The following PRDM4 variants were observed in gnomAD, a reference collection of about 807,000 sequenced individuals.
PRDM4 encodes the protein PR domain zinc finger protein 4.
PRDM4 carries 38 observed loss-of-function variants against 62.3 expected under a neutral mutation model. The observed-to-expected ratio is 0.61, with a 90% CI of 0.47 to 0.80. The LOEUF (loss-of-function observed/expected upper bound fraction) is 0.80. Among genes scored for constraint, PRDM4 ranks in the 30% least tolerant of loss-of-function variants. The pLI is 0.00. For synonymous variants in PRDM4, 339 were observed against 348.2 expected (o/e 0.97, Z 0.30); for missense variants, 858 against 997.1 (o/e 0.86, Z 1.88).
intron 3 of PRDM4, among the ~76,000 whole-genome samples, chr12:107,756,010 C>T (rs1305807646): frequency 2.6e-5 from 4 of 152,238 alleles, no homozygotes; most frequent in East Asian, 3.9e-4. Flanking sequence ...TGCTTGAACC[C>T]GGGAGGCGGG....
chr12:107,742,506 G>A, intron 8 of PRDM4, 158 bp from the exon 9 acceptor site: 1 of 795,584 alleles, frequency 1.3e-6, no homozygotes, highest in African/African-American at 1.7e-5. Context: ...CTATGAGAAG[G>A]CAGTTGTAGA....
chr12:107,738,844 TAAC>T (rs1351571972), intron 11 of PRDM4, among the ~76,000 whole-genome samples: 4 of 136,032 alleles, frequency 2.9e-5, no homozygotes, highest in Admixed American at 7.9e-5. Flanking sequence ...ACAGTTAAGA[TAAC>T]AATTTTTTTT....
intron 8 of PRDM4, 116 bp downstream of exon 8, chr12:107,743,081 G>A (rs1890572408): frequency 1.2e-6 from 1 of 821,514 alleles, no homozygotes; most frequent in African/African-American, 1.7e-5. Flanking sequence ...TGGGCTTTAA[G>A]TATGTCCAGG....
chr12:107,747,766 ATAAACCT>A (rs1890758193), intron 5 of PRDM4, among the ~76,000 whole-genome samples: 1 of 152,050 alleles, frequency 6.6e-6, no homozygotes, highest in African/African-American at 2.4e-5. Flanking sequence ...GTTGGAATAC[ATAAACCT>A]TAGAACCACA....
intron 9 of PRDM4, among the ~76,000 whole-genome samples, chr12:107,741,827 C>G (rs570417139): frequency 2.0e-5 from 3 of 152,190 alleles, no homozygotes; most frequent in African/African-American, 4.8e-5. Context: ...GGTTTTATAG[C>G]ATACCCAAAC....
At chr12:107,755,862 A>G (rs918281461) in intron 3 of PRDM4, among the ~76,000 whole-genome samples, 3 of 152,136 alleles carry the variant, frequency 2.0e-5, no homozygotes, top group Admixed American at 6.5e-5. Context: ...AGGAGGGCGG[A>G]TCACCTGAGG....
At chr12:107,756,201 A>G (rs1891061420) in intron 3 of PRDM4, among the ~76,000 whole-genome samples, 6 of 152,180 alleles carry the variant, frequency 3.9e-5, no homozygotes. Flanking sequence ...CGGAGGTTGC[A>G]GTGAGCCGAG....
At chr12:107,754,684 T>C (rs1891007941) in intron 3 of PRDM4, 1 of 152,176 alleles carries the variant, frequency 6.6e-6, no homozygotes, top group Non-Finnish European at 1.5e-5. Flanking sequence ...AAATATTTAA[T>C]TTAGAATTAA....
chr12:107,756,853 G>A lies in PRDM4; in HGVS notation c.124C>T (p.His42Tyr), dbSNP rs779714472. The change falls in exon 3 of 12, where the codon CAC (histidine) becomes TAC (tyrosine). Residue 42 changes from histidine (H) to tyrosine (Y), a missense_variant. Physicochemically the swap from His to Tyr is moderately conservative, Grantham distance 83. Coordinates refer to ENST00000228437, the MANE Select transcript of PRDM4 (RefSeq NM_012406.4). The stretch of plus-strand genomic sequence containing the variant: ...TCACCTGGGGCAGGGATGGCACTGT[G>A]AGTGGGTGAGGCAGCCAATCCCAGG... ...SHLGLAASPT[H>Y]SAIPAPGLPV... is the part of the protein sequence containing the mutation. The A allele has an allele frequency of 4.3e-6, 7 of 1,614,018 alleles. No individual in the cohort carries two copies. In the Admixed American group the frequency reaches 1.0e-4, roughly 23 times the overall value.
At chr12:107,753,463 A>G (rs1387073392) in intron 4 of PRDM4, among the ~76,000 whole-genome samples, 3 of 152,162 alleles carry the variant, frequency 2.0e-5, no homozygotes, top group Non-Finnish European at 4.4e-5. Flanking sequence ...ATACACCAAA[A>G]CAAATGGCAG....
chr12:107,747,361 G>A (rs1417408808), intron 5 of PRDM4, among the ~76,000 whole-genome samples: 6 of 151,482 alleles, frequency 4.0e-5, no homozygotes, highest in Admixed American at 1.3e-4. Flanking sequence ...ATGAACATAG[G>A]ACACTGGCGT....
chr12:107,734,652 G>A (rs1316649792), intron 11 of PRDM4, 130 bp from the exon 12 acceptor site: 1 of 819,238 alleles, frequency 1.2e-6, no homozygotes, highest in African/African-American at 1.7e-5. Flanking sequence ...TTGCATAGGT[G>A]ATATACAGAA....
chr12:107,745,467 T>C (rs1890669248), intron 6 of PRDM4, among the ~76,000 whole-genome samples: 1 of 151,868 alleles, frequency 6.6e-6, no homozygotes, highest in African/African-American at 2.4e-5. Context: ...ACTTGGAAGG[T>C]TGCGGCAGGA....
At position 107,740,332 on chromosome 12, in the gene PRDM4, C is replaced by T. The variant is rs576419719; in HGVS notation, c.1924+614G>A. Among the ~76,000 whole-genome samples the T allele has an allele frequency of 5.3e-5, 8 of 151,980 alleles. No homozygotes were observed. In the South Asian group the frequency reaches 1.7e-3, roughly 32 times the overall value. On this transcript the variant is annotated intron_variant, in intron 10 of 11. Coordinates refer to ENST00000228437, the MANE Select transcript of PRDM4 (RefSeq NM_012406.4). The stretch of plus-strand genomic sequence containing the variant: ...CAAAACCCCATCTATATTAAAAATA[C>T]AAAAATTAGTCAGGTGTGGTGGCGC...
Position 107,751,321 on chromosome 12 carries a change from T to C in PRDM4, c.1126+94A>G, listed in dbSNP as rs889366477. 11 of 1,290,150 alleles carry C rather than the reference T, an allele frequency of 8.5e-6. 1 individual carries two copies. The highest frequency in any genetic ancestry group is 7.5e-5 in the South Asian group (5 of 66,780). The allele number at this position is 1,290,150 out of a possible 1,614,324, so 79.9% of individuals were successfully genotyped here. ...AGTTCCAAGGTCTAGTTGCTTTCTA[T>C]ACTCCCTTAATGCCAAACTTTACGA... is the stretch of plus-strand genomic sequence containing the variant. On this transcript the variant is annotated intron_variant, in intron 5 of 11. Transcript: ENST00000228437.
chr12:107,745,145 T>A (rs1029037277), intron 6 of PRDM4, among the ~76,000 whole-genome samples: 1 of 152,022 alleles, frequency 6.6e-6, no homozygotes, highest in African/African-American at 2.4e-5. Context: ...TGTAAATATA[T>A]AAAATGTAAT....
At chr12:107,752,231 A>G (rs758444131) in intron 4 of PRDM4, 22 bp from the exon 5 acceptor site, 70 of 1,512,918 alleles carry the variant, frequency 4.6e-5, no homozygotes, top group Non-Finnish European at 6.2e-5. Flanking sequence ...AAAAGATGAG[A>G]TATCAGAGAC....
chr12:107,742,280 T>A lies in PRDM4; in HGVS notation c.1550A>T (p.Asp517Val). The A allele has an allele frequency of 6.2e-7, 1 of 1,613,306 alleles. No individual in the cohort carries two copies. Among genetic ancestry groups the A allele is most frequent in the Non-Finnish European group, 8.5e-7 (1 of 1,179,384 alleles). The change falls in exon 9 of 12, where the codon GAT becomes GTT. Residue 517 changes from aspartate (D) to valine (V), a missense_variant. Around this residue, in one of 3 missense-constraint regions of PRDM4, gnomAD observed 355 missense variants for 432.6 expected, o/e 0.82. Transcript: ENST00000228437. ...AAGCAGTTCATTTTCAGGAGGGATA[T>A]CTTGTGAGGTGCAGAAAAAGATTTT... is the stretch of plus-strand genomic sequence containing the variant. ...DGKIFFCTSQ[D>V]IPPENELLFY...
At chr12:107,758,220 A>ACTATCTC (rs1891120346) in intron 2 of PRDM4, 1 of 148,424 alleles carries the variant, frequency 6.7e-6, no homozygotes, top group Non-Finnish European at 1.5e-5. Flanking sequence ...TTTATATGTA[A>ACTATCTC]CTATCTCTCT....
Sources: gnomAD v4.1 joint callset for allele counts (sites outside exome capture counted in the v4.1 genomes callset) on GRCh38, gnomAD v4.1.1 for gene constraint, gnomAD v4.1.1 regional missense constraint, MANE v1.5 for transcripts, NCBI Gene and HGNC (gene_info 2026-07-23, HGNC 2026-07-21) for gene names.